Variants in CHPT1 observed in about 807,000 individuals in gnomAD.
CHPT1 encodes the protein choline phosphotransferase 1.
Under a neutral mutation model 47.6 loss-of-function variants are expected in CHPT1, and 36 were observed. The observed-to-expected ratio is 0.76, with a 90% CI of 0.58 to 1.00. The LOEUF (loss-of-function observed/expected upper bound fraction) is 1.00, where lower values mean the gene tolerates loss of function less well. Ranked by LOEUF, CHPT1 falls within the 50% of genes least tolerant of loss-of-function variation. The pLI is 0.00. For missense variants in CHPT1, 458 were observed against 498.1 expected (o/e 0.92, Z 0.77); for synonymous variants, 194 against 186.3 (o/e 1.04, Z -0.33).
intron 1 of CHPT1, among the ~76,000 whole-genome samples, chr12:101,701,227 T>C (rs1951550252): frequency 2.0e-5 from 3 of 152,198 alleles, no homozygotes. Flanking sequence ...CTCCTTCTTA[T>C]CCCTCTCTTT....
chr12:101,714,708 A>G (rs980983929), intron 3 of CHPT1, 63 bp downstream of exon 3: 11 of 1,483,822 alleles, frequency 7.4e-6, no homozygotes, highest in Non-Finnish European at 9.9e-6. Context: ...ACAATCTGTT[A>G]TGTCATTCAT....
rs1038424509 is a variant in CHPT1 at position 101,723,917 on chromosome 12, G to A, written c.1065+70G>A. ...GAGCTATTTCAGTGAGCTATCAGTA[G>A]CCTCAAGATCTAGTCTAGGCCAGGC... On this transcript the variant is annotated intron_variant, in intron 7 of 8. Coordinates refer to ENST00000229266, the MANE Select transcript of CHPT1 (RefSeq NM_020244.3). The A allele has an allele frequency of 5.6e-5, 67 of 1,194,300 alleles. 1 individual carries two copies. The South Asian group carries it at 8.2e-4, about 15-fold the overall frequency. 74.0% of individuals were successfully genotyped at this position (1,194,300 alleles called of 1,614,324 possible).
intron 3 of CHPT1, among the ~76,000 whole-genome samples, chr12:101,715,851 T>A (rs1265409074): frequency 6.6e-6 from 1 of 151,876 alleles, no homozygotes; most frequent in East Asian, 1.9e-4. Flanking sequence ...GGAGAGAACA[T>A]GGAATAGATA....
chr12:101,719,959 A>T (rs540219549), intron 4 of CHPT1, 164 bp from the exon 5 acceptor site: 7 of 380,510 alleles, frequency 1.8e-5, no homozygotes, highest in East Asian at 4.9e-5. Flanking sequence ...AAAAGTTAAA[A>T]AAAAGTTTTT....
intron 6 of CHPT1, 96 bp from the exon 7 acceptor site, chr12:101,723,626 G>A: frequency 1.2e-6 from 1 of 808,762 alleles, no homozygotes; most frequent in East Asian, 2.8e-5. Flanking sequence ...TAAATGGTCT[G>A]TTTTAATACT....
At chr12:101,728,784 CAGAA>C in intron 8 of CHPT1, 113 bp from the exon 9 acceptor site, 1 of 1,186,814 alleles carries the variant, frequency 8.4e-7, no homozygotes, top group South Asian at 1.4e-5. Flanking sequence ...TTTGACTTAA[CAGAA>C]AGGGAGGTCT....
intron 3 of CHPT1, 166 bp downstream of exon 3, chr12:101,714,811 G>A: frequency 2.0e-6 from 1 of 499,548 alleles, no homozygotes; most frequent in Non-Finnish European, 3.3e-6. Flanking sequence ...TAGGTACTCT[G>A]CATGTTATAA....
At chr12:101,700,753 A>G (rs1453162201) in intron 1 of CHPT1, among the ~76,000 whole-genome samples, 4 of 152,228 alleles carry the variant, frequency 2.6e-5, no homozygotes, top group Non-Finnish European at 5.9e-5. Flanking sequence ...TCCGCTTCCT[A>G]CAATGGCCCT....
intron 1 of CHPT1, among the ~76,000 whole-genome samples, chr12:101,709,274 G>T (rs1316988848): frequency 6.8e-6 from 1 of 146,482 alleles, no homozygotes; most frequent in African/African-American, 2.5e-5. Flanking sequence ...GTGCACACCT[G>T]TAGTGTCCTA....
chr12:101,713,666 G>C (rs1288913519), intron 1 of CHPT1, among the ~76,000 whole-genome samples: 1 of 140,080 alleles, frequency 7.1e-6, no homozygotes, highest in African/African-American at 2.5e-5. Context: ...TGCCTTTCTA[G>C]TTATATAAGG....
Position 101,716,753 on chromosome 12 carries a change from G to T in CHPT1, c.589G>T (p.Ala197Ser). ...AGTGGATGTAACTGAAATTCAGATA[G>T]CTTTAGTGATTGTCTTTGTGTTGTC... The part of the protein sequence containing the change: ...GKVDVTEIQI[A>S]LVIVFVLSAF... Residue 197 changes from alanine to serine, a missense_variant, in exon 4 of 9, where the codon GCT (alanine) becomes TCT (serine). Ala to Ser is a moderately conservative substitution (Grantham distance 99). Transcript: ENST00000229266. 1 of 1,608,202 alleles carries T rather than the reference G, an allele frequency of 6.2e-7. No individual in the cohort carries two copies. Among genetic ancestry groups the T allele is most frequent in the Non-Finnish European group, 8.5e-7 (1 of 1,177,330 alleles).
Position 101,698,623 on chromosome 12 carries a change from C to T in CHPT1, c.273+489C>T, listed in dbSNP as rs529443243. On this transcript the variant is annotated intron_variant, in intron 1 of 8. Transcript: ENST00000229266. ...GGTTGAGCTAGTGATCTTGAAATGA[C>T]CGGTAGCACTGATCAAAGATGAGTT... Among the ~76,000 whole-genome samples, 3 of 152,310 alleles carry T rather than the reference C, an allele frequency of 2.0e-5. No homozygotes were observed. In the East Asian group the frequency reaches 5.8e-4, roughly 29 times the overall value.
Position 101,714,533 on chromosome 12 carries a change from G to T in CHPT1, c.451G>T (p.Ala151Ser). The T allele has an allele frequency of 6.2e-7, 1 of 1,604,752 alleles. No individual in the cohort carries two copies. Among genetic ancestry groups the T allele is most frequent in the Non-Finnish European group, 8.5e-7 (1 of 1,176,892 alleles). The change falls in exon 3 of 9, where the codon GCT (alanine) becomes TCT (serine). Residue 151 changes from alanine (A) to serine (S), a missense_variant. Coordinates refer to ENST00000229266, the MANE Select transcript of CHPT1 (RefSeq NM_020244.3). The part of the protein sequence containing the change: ...VFMAVGASIA[A>S]RLGTYPDWFF... ...TATGGCAGTGGGAGCTTCAATTGCC[G>T]CTCGCTTAGGAACTTATCCTGACTG...
At chr12:101,698,498 C>G (rs1335586886) in intron 1 of CHPT1, among the ~76,000 whole-genome samples, 3 of 152,250 alleles carry the variant, frequency 2.0e-5, no homozygotes, top group Admixed American at 6.5e-5. Flanking sequence ...GCTTTGCACA[C>G]TGGGGACTGA....
intron 1 of CHPT1, among the ~76,000 whole-genome samples, chr12:101,710,561 T>C (rs1391739657): frequency 6.7e-6 from 1 of 148,928 alleles, no homozygotes; most frequent in African/African-American, 2.4e-5. Context: ...TTTAAACGCC[T>C]CTAGTATCCT....
intron 1 of CHPT1, among the ~76,000 whole-genome samples, chr12:101,703,068 G>T (rs1951576824): frequency 6.6e-6 from 1 of 152,176 alleles, no homozygotes; most frequent in Admixed American, 6.5e-5. Flanking sequence ...TTCAAATTCT[G>T]GTTCAAGTGT....
Position 101,728,967 on chromosome 12 carries a change from A to G in CHPT1, c.*22A>G, listed in dbSNP as rs1952057833. On this transcript the variant is annotated 3_prime_UTR_variant, in exon 9 of 9. Transcript: ENST00000229266. ...TTGAAGAGACTTCCGAACACTTGCT[A>G]TCTCTTGCTGCTGCTGTTTCATGGA... 1 of 1,613,566 alleles carries G rather than the reference A, an allele frequency of 6.2e-7. No homozygotes were observed. Among genetic ancestry groups the G allele is most frequent in the Non-Finnish European group, 8.5e-7 (1 of 1,179,694 alleles).
At position 101,698,129 on chromosome 12, in the gene CHPT1, G is replaced by A. The variant is rs756247419; in HGVS notation, c.268G>A (p.Glu90Lys). ...CATCTCCTACTGTCCCACGGCCACC[G>A]AAGAGGTAGGGCTGGCCGATCGCCC... Reference protein sequence around the residue: ...VLISYCPTATEEAPYWTYLLC... With the variant: ...VLISYCPTATKEAPYWTYLLC... Residue 90 changes from glutamate to lysine, a missense_variant, in exon 1 of 9, where the codon GAA becomes AAA. By Grantham distance (56) the Glu-to-Lys change is moderately conservative. Transcript: ENST00000229266. 138 of 1,526,716 alleles carry A rather than the reference G, an allele frequency of 9.0e-5. No homozygotes were observed. The highest frequency in any genetic ancestry group is 1.2e-4 in the Non-Finnish European group (135 of 1,143,806). 94.6% of individuals were successfully genotyped at this position (1,526,716 alleles called of 1,614,324 possible). A position where few individuals can be genotyped will look rare whatever the true frequency, so the allele number is the denominator to read the frequency against.
At chr12:101,719,115 C>A (rs1237063383) in intron 4 of CHPT1, among the ~76,000 whole-genome samples, 1 of 142,044 alleles carries the variant, frequency 7.0e-6, no homozygotes, top group Non-Finnish European at 1.5e-5. Flanking sequence ...CAAGATTGGG[C>A]CACTGCACTC....
Sources: gnomAD v4.1 joint callset for allele counts (sites outside exome capture counted in the v4.1 genomes callset) on GRCh38, gnomAD v4.1.1 for gene constraint, MANE v1.5 for transcripts, NCBI Gene and HGNC (gene_info 2026-07-23, HGNC 2026-07-21) for gene names.